Variants in STAG2 observed in about 807,000 individuals in gnomAD.
STAG2 encodes STAG2 cohesin complex component.
In STAG2, 14 loss-of-function variants were observed where a neutral mutation model predicts 108.1. The observed-to-expected ratio is 0.13, with a 90% CI of 0.09 to 0.20. The LOEUF is 0.20. STAG2 is among the 10% of genes least tolerant of loss of function. The pLI, the probability that STAG2 is intolerant of heterozygous loss-of-function variation, is 1.00. For synonymous variants in STAG2, 307 were observed against 302.7 expected (o/e 1.01, Z -0.15); for missense variants, 440 against 940.9 (o/e 0.47, Z 6.96).
chrX:124,010,644 C>T (rs766834521), intron 1 of STAG2, among the ~76,000 whole-genome samples: 1 of 111,411 alleles, frequency 9.0e-6, no homozygotes, highest in East Asian at 2.8e-4. Context: ...GGGCTTTAAG[C>T]AAAGCGGTGT....
At chrX:124,028,172 A>G (rs772955091) in intron 4 of STAG2, among the ~76,000 whole-genome samples, 3 of 111,955 alleles carry the variant, frequency 2.7e-5, no homozygotes, top group Non-Finnish European at 5.6e-5. Flanking sequence ...GAATTAATGA[A>G]TTAGGTTCAC....
At chrX:124,095,907 G>A (rs2059364474) in intron 34 of STAG2, among the ~76,000 whole-genome samples, 1 of 109,739 alleles carries the variant, frequency 9.1e-6, no homozygotes, top group Admixed American at 9.8e-5. Flanking sequence ...AGCTATCTAG[G>A]ATGAGAGTCA....
chrX:124,064,121 C>G, intron 20 of STAG2, 70 bp downstream of exon 20: 1 of 807,608 alleles, frequency 1.2e-6, no homozygotes, highest in South Asian at 2.6e-5. Context: ...AATTAGTCAC[C>G]CAAGTGTTAA....
intron 1 of STAG2, among the ~76,000 whole-genome samples, chrX:124,017,656 A>G (rs2147965741): frequency 9.0e-6 from 1 of 110,754 alleles, no homozygotes; most frequent in South Asian, 3.8e-4. Flanking sequence ...CTTTTTTTGG[A>G]GTTGCAAAGA....
intron 1 of STAG2, among the ~76,000 whole-genome samples, chrX:124,012,527 A>G (rs2056553611): frequency 8.9e-6 from 1 of 112,049 alleles, no homozygotes; most frequent in African/African-American, 3.2e-5. Context: ...CATATAATTC[A>G]AGCCTATGAA....
intron 1 of STAG2, among the ~76,000 whole-genome samples, chrX:123,988,616 T>C (rs2055304282): frequency 9.0e-6 from 1 of 111,712 alleles, no homozygotes; most frequent in African/African-American, 3.2e-5. Context: ...TATTTTATGG[T>C]TGATATACTT....
At chrX:124,018,383 A>T (rs1337610617) in intron 1 of STAG2, among the ~76,000 whole-genome samples, 4 of 111,972 alleles carry the variant, frequency 3.6e-5, no homozygotes, top group Non-Finnish European at 7.5e-5. Context: ...CTGAAGTCAA[A>T]TGGTATTAAG....
intron 15 of STAG2, among the ~76,000 whole-genome samples, 177 bp downstream of exon 15, chrX:124,058,154 CTTTTTTTTTTTT>C (rs999044036): frequency 6.9e-5 from 5 of 72,965 alleles, no homozygotes; most frequent in East Asian, 4.3e-4. Context: ...TACTTTTCTT[CTTTTTTTTTTTT>C]TTTTTTTTTG....
At chrX:124,048,548 G>C (rs2057941488) in intron 9 of STAG2, among the ~76,000 whole-genome samples, 1 of 111,361 alleles carries the variant, frequency 9.0e-6, no homozygotes, top group African/African-American at 3.3e-5. Context: ...TCCTGCCTCA[G>C]CCTCCTCAGT....
At chrX:124,001,235 C>T (rs1415372396) in intron 1 of STAG2, among the ~76,000 whole-genome samples, 1 of 110,759 alleles carries the variant, frequency 9.0e-6, no homozygotes, top group Non-Finnish European at 1.9e-5. Flanking sequence ...GGACTACAGG[C>T]GCGTGCCACC....
intron 1 of STAG2, among the ~76,000 whole-genome samples, chrX:123,989,530 T>C (rs1349600576): frequency 9.0e-6 from 1 of 110,915 alleles, no homozygotes. Flanking sequence ...TTAAAACTCA[T>C]ATATGTATAT....
intron 6 of STAG2, among the ~76,000 whole-genome samples, chrX:124,039,518 G>A (rs2057633701): frequency 9.1e-6 from 1 of 110,117 alleles, no homozygotes; most frequent in African/African-American, 3.3e-5. Flanking sequence ...CTAAACTCAG[G>A]CAGTTGTCCC....
At chrX:124,043,573 G>A (rs755609884) in intron 7 of STAG2, among the ~76,000 whole-genome samples, 4 of 111,653 alleles carry the variant, frequency 3.6e-5, no homozygotes, top group Non-Finnish European at 7.5e-5. Flanking sequence ...CCAGAACATA[G>A]CAAGGACTTA....
In STAG2 at chrX:124,018,478, ATGG is replaced by A. The variant is rs1281533883; in HGVS notation, c.-162-2888_-162-2886del. 1.5e-4 allele frequency among the ~76,000 whole-genome samples: 17 copies of A among 110,347 alleles called. No individual in the cohort carries two copies. In the East Asian group the frequency reaches 4.9e-3, roughly 32 times the overall value. On this transcript the variant is annotated intron_variant, in intron 1 of 34. Transcript: ENST00000371145. ...GATGGATGGATGGATGGATGGATGGATGGATGGACAGACGGACGGATGGATGGA... is the reference window on the plus strand; with the variant it reads ...GATGGATGGATGGATGGATGGATGGAATGGACAGACGGACGGATGGATGGA...
chrX:124,034,823 A>G lies in STAG2; in HGVS notation c.289-2704A>G, dbSNP rs192937114. Among the ~76,000 whole-genome samples, 128 of 110,198 alleles carry G rather than the reference A, an allele frequency of 1.2e-3. 1 individual carries two copies. The highest frequency in any genetic ancestry group is 4.1e-3 in the African/African-American group (126 of 30,407). ...GATCAAAGATCATGTGTTATTCATT[A>G]TTTTTGCATTGCCAGGATATACCTA... On this transcript the variant is annotated intron_variant, in intron 5 of 34. Coordinates refer to ENST00000371145, the MANE Select transcript of STAG2 (RefSeq NM_001042750.2).
intron 1 of STAG2, among the ~76,000 whole-genome samples, chrX:123,989,931 A>AT (rs1358819316): frequency 1.9e-4 from 21 of 109,588 alleles, no homozygotes; most frequent in South Asian, 7.5e-4. Context: ...TTAGCCTAAC[A>AT]TTTTTTTTTG....
intron 3 of STAG2, among the ~76,000 whole-genome samples, chrX:124,022,968 C>T (rs777419832): frequency 8.9e-6 from 1 of 112,137 alleles, no homozygotes; most frequent in Non-Finnish European, 1.9e-5. Context: ...TTTGAGAGAG[C>T]ATCATAAAAT....
At chrX:124,069,285 G>A (rs2058610864) in intron 24 of STAG2, among the ~76,000 whole-genome samples, 1 of 112,076 alleles carries the variant, frequency 8.9e-6, no homozygotes, top group Non-Finnish European at 1.9e-5. Flanking sequence ...CTTTTCAAAT[G>A]CTTTTATGGG....
intron 1 of STAG2, among the ~76,000 whole-genome samples, chrX:124,011,413 A>T (rs1306283670): frequency 9.0e-6 from 1 of 111,033 alleles, no homozygotes; most frequent in Non-Finnish European, 1.9e-5. Context: ...TTCCAATACT[A>T]TGTTGAATAG....
Sources: gnomAD v4.1 joint callset for allele counts (sites outside exome capture counted in the v4.1 genomes callset) on GRCh38, gnomAD v4.1.1 for gene constraint, MANE v1.5 for transcripts, NCBI Gene and HGNC (gene_info 2026-07-23, HGNC 2026-07-21) for gene names.